Variants in SLC36A1 observed in about 807,000 individuals in gnomAD.
SLC36A1 encodes solute carrier family 36 member 1.
SLC36A1 carries 30 observed loss-of-function variants against 47.5 expected under a neutral mutation model. That is an observed-to-expected ratio of 0.63 (90% CI 0.47 to 0.86). SLC36A1 has a LOEUF of 0.86. Among genes scored for constraint, SLC36A1 ranks in the 40% least tolerant of loss-of-function variants. The pLI, the probability that SLC36A1 is intolerant of heterozygous loss-of-function variation, is 0.00. For synonymous variants in SLC36A1, 255 were observed against 249.7 expected (o/e 1.02, Z -0.20); for missense variants, 517 against 606.0 (o/e 0.85, Z 1.54).
chr5:151,541,245 A>G, the SLC36A1 span, among the ~76,000 whole-genome samples: 1 of 152,352 alleles, frequency 6.6e-6, no homozygotes, highest in South Asian at 2.1e-4. Flanking sequence ...TTTCCTTGAC[A>G]CTAATCACTG....
the SLC36A1 span, chr5:151,546,095 G>C: frequency 6.2e-7 from 1 of 1,614,070 alleles, no homozygotes; most frequent in Admixed American, 1.7e-5. Flanking sequence ...AGGAGGATTG[G>C]GGAACCAACA....
intron 8 of SLC36A1, among the ~76,000 whole-genome samples, chr5:151,475,950 T>C (rs766842977): frequency 6.6e-6 from 1 of 152,256 alleles, no homozygotes; most frequent in African/African-American, 2.4e-5. Flanking sequence ...CCTTTGCTTT[T>C]ACCAAAGTTA....
upstream of SLC36A1, among the ~76,000 whole-genome samples, chr5:151,432,227 G>A (rs1047457576): frequency 2.6e-5 from 4 of 152,168 alleles, no homozygotes; most frequent in Non-Finnish European, 5.9e-5. Context: ...TCATAAATAA[G>A]TTTTTAAAAA....
chr5:151,378,601 CT>C, the SLC36A1 span: 1 of 189,030 alleles, frequency 5.3e-6, no homozygotes, highest in Non-Finnish European at 1.2e-5. Flanking sequence ...TGGTGACCAT[CT>C]TCCAGGCTGG....
At chr5:151,362,503 G>A in the SLC36A1 span, among the ~76,000 whole-genome samples, 2 of 150,222 alleles carry the variant, frequency 1.3e-5, no homozygotes, top group African/African-American at 4.9e-5. Flanking sequence ...CAATTCTCCT[G>A]CCTCAGCCTC....
At chr5:151,466,018 T>A (rs76845491) in intron 5 of SLC36A1, among the ~76,000 whole-genome samples, 5,950 of 152,214 alleles carry the variant, frequency 0.039, 387 homozygotes, top group African/African-American at 0.14. Flanking sequence ...AGAGGAAACT[T>A]ACTTTCATTC....
At chr5:151,521,804 G>C in the SLC36A1 span, 1 of 1,614,180 alleles carries the variant, frequency 6.2e-7, no homozygotes, top group Non-Finnish European at 8.5e-7. Context: ...AACGAGTAGT[G>C]GCCACGAGGC....
chr5:151,444,318 T>C (rs1246212044), upstream of SLC36A1, among the ~76,000 whole-genome samples: 1 of 152,224 alleles, frequency 6.6e-6, no homozygotes, highest in Non-Finnish European at 1.5e-5. Flanking sequence ...TCTTTTCATT[T>C]ATTTGTGTCT....
At chr5:151,430,392 C>T in the SLC36A1 span, among the ~76,000 whole-genome samples, 2 of 146,728 alleles carry the variant, frequency 1.4e-5, no homozygotes, top group Non-Finnish European at 3.0e-5. Flanking sequence ...AGCGTGACCT[C>T]GGCTGACTGC....
the SLC36A1 span, among the ~76,000 whole-genome samples, chr5:151,522,815 T>G: frequency 2.0e-5 from 3 of 152,230 alleles, no homozygotes; most frequent in East Asian, 3.9e-4. Flanking sequence ...ACGGGGTCAC[T>G]GGTGCTGGAG....
the SLC36A1 span, among the ~76,000 whole-genome samples, chr5:151,498,594 C>G: frequency 3.3e-5 from 5 of 152,282 alleles, no homozygotes; most frequent in Admixed American, 3.3e-4. Context: ...TTCCTTCATT[C>G]CTCACCTCCT....
the SLC36A1 span, among the ~76,000 whole-genome samples, chr5:151,498,783 T>C: frequency 1.3e-5 from 2 of 152,230 alleles, no homozygotes; most frequent in Non-Finnish European, 2.9e-5. Flanking sequence ...CTGTGCTAAA[T>C]TGGAAGCTCT....
At chr5:151,376,038 G>A in the SLC36A1 span, among the ~76,000 whole-genome samples, 1 of 152,146 alleles carries the variant, frequency 6.6e-6, no homozygotes, top group African/African-American at 2.4e-5. Context: ...ATGTTGAATA[G>A]GAATGGTGAG....
rs1184153310 is a variant in SLC36A1 at position 151,447,808 on chromosome 5, C to T, written c.-11C>T. The T allele has an allele frequency of 6.6e-6, 1 of 152,330 alleles. No individual in the cohort carries two copies. 9.4% of individuals were successfully genotyped at this position (152,330 alleles called of 1,614,324 possible). A position where few individuals can be genotyped will look rare whatever the true frequency, so the allele number is the denominator to read the frequency against. ...CGCCTTCCTCCCGGCGTGGCAGATG[C>T]TCCAGGTCAGGCACTGGATCCGCCC... On this transcript the variant is annotated 5_prime_UTR_variant, in exon 1 of 11. Transcript: ENST00000243389.
chr5:151,389,944 C>G, the SLC36A1 span, among the ~76,000 whole-genome samples: 1 of 152,150 alleles, frequency 6.6e-6, no homozygotes, highest in Admixed American at 6.5e-5. Context: ...ATGGCTGGAT[C>G]AAATGGTATT....
At chr5:151,469,597 G>A (rs1166512300) in intron 7 of SLC36A1, among the ~76,000 whole-genome samples, 1 of 152,004 alleles carries the variant, frequency 6.6e-6, no homozygotes, top group Non-Finnish European at 1.5e-5. Context: ...TAAGATATTT[G>A]TCTAGATGTG....
the SLC36A1 span, among the ~76,000 whole-genome samples, chr5:151,403,395 TC>T: frequency 1.3e-5 from 2 of 152,178 alleles, no homozygotes; most frequent in Non-Finnish European, 2.9e-5. Context: ...TTTAGTACCA[TC>T]CCCTTGGTAC....
chr5:151,399,972 A>T, the SLC36A1 span, among the ~76,000 whole-genome samples: 1 of 152,178 alleles, frequency 6.6e-6, no homozygotes, highest in Non-Finnish European at 1.5e-5. Flanking sequence ...CATTTTACAG[A>T]TGAGAGTGAG....
the SLC36A1 span, chr5:151,507,088 G>A: frequency 1.4e-5 from 20 of 1,387,678 alleles, no homozygotes; most frequent in Admixed American, 2.3e-4. Context: ...CTCAGATAAC[G>A]GAGTGTTTAG....
Sources: allele counts gnomAD v4.1 joint callset (sites outside exome capture counted in the v4.1 genomes callset), GRCh38; gene constraint gnomAD v4.1.1; transcripts MANE v1.5; gene names NCBI Gene and HGNC (gene_info 2026-07-23, HGNC 2026-07-21).